CTNNA3: variants seen among roughly 807,000 people sequenced by gnomAD.
The protein encoded by CTNNA3 is catenin alpha-3.
Under a neutral mutation model 95.7 loss-of-function variants are expected in CTNNA3, and 76 were observed. That is an observed-to-expected ratio of 0.79 (90% CI 0.66 to 0.96). The LOEUF (loss-of-function observed/expected upper bound fraction) is 0.96. Among genes scored for constraint, CTNNA3 ranks in the 40% least tolerant of loss-of-function variants. CTNNA3 has a pLI of 0.00. For synonymous variants in CTNNA3, 431 were observed against 374.4 expected (o/e 1.15, Z -1.74); for missense variants, 1,191 against 1,089.8 (o/e 1.09, Z -1.31).
intron 7 of CTNNA3, among the ~76,000 whole-genome samples, chr10:66,801,736 T>G (rs1160452718): frequency 2.6e-5 from 4 of 151,632 alleles, no homozygotes; most frequent in Non-Finnish European, 5.9e-5. Flanking sequence ...GGCTTTTATT[T>G]CAGAAATTGA....
intron 12 of CTNNA3, among the ~76,000 whole-genome samples, chr10:66,327,339 A>G (rs1442166836): frequency 1.3e-5 from 2 of 152,076 alleles, no homozygotes; most frequent in African/African-American, 2.4e-5. Context: ...GGAAACAACC[A>G]TTTATTGCAA....
At chr10:65,988,889 G>A (rs1589220995) in intron 15 of CTNNA3, 92 bp from the exon 16 acceptor site, 4 of 814,936 alleles carry the variant, frequency 4.9e-6, no homozygotes, top group East Asian at 2.6e-5. Context: ...TAATCTATGC[G>A]TCCATCCATC....
chr10:66,346,316 G>T (rs1235144725), intron 12 of CTNNA3, among the ~76,000 whole-genome samples: 1 of 148,052 alleles, frequency 6.8e-6, no homozygotes, highest in Non-Finnish European at 1.5e-5. Flanking sequence ...GTCTTGCCCT[G>T]TCACCAGGCT....
chr10:66,982,755 G>C (rs1413774981), intron 7 of CTNNA3, among the ~76,000 whole-genome samples: 1 of 152,168 alleles, frequency 6.6e-6, no homozygotes. Context: ...GAAAAGAAAA[G>C]TAGCAAATAG....
At chr10:66,849,981 GT>G (rs35508547) in intron 7 of CTNNA3, among the ~76,000 whole-genome samples, 44,267 of 151,938 alleles carry the variant, frequency 0.29, 7,335 homozygotes, top group East Asian at 0.54. Flanking sequence ...ATGAGAGCAT[GT>G]TTTTTTGCAC....
intron 5 of CTNNA3, among the ~76,000 whole-genome samples, chr10:67,377,683 T>C (rs952550440): frequency 6.6e-6 from 1 of 152,142 alleles, no homozygotes; most frequent in Non-Finnish European, 1.5e-5. Context: ...ATGGAGTACA[T>C]AGTGATGTTT....
chr10:67,500,650 T>C (rs1446098209), intron 5 of CTNNA3, among the ~76,000 whole-genome samples: 1 of 152,272 alleles, frequency 6.6e-6, no homozygotes, highest in Non-Finnish European at 1.5e-5. Flanking sequence ...TTAGCTCTTC[T>C]TGTCACGTTG....
intron 7 of CTNNA3, among the ~76,000 whole-genome samples, chr10:67,031,432 G>A (rs1853720661): frequency 6.6e-6 from 1 of 152,100 alleles, no homozygotes; most frequent in Admixed American, 6.6e-5. Flanking sequence ...TATACATTGT[G>A]CTTATCACTA....
At chr10:67,579,348 C>T (rs1378188873) in intron 3 of CTNNA3, among the ~76,000 whole-genome samples, 1 of 151,966 alleles carries the variant, frequency 6.6e-6, no homozygotes, top group African/African-American at 2.4e-5. Flanking sequence ...ATGATGGTTA[C>T]CAGCTTCATC....
At chr10:65,987,987 A>G (rs1329916174) in intron 16 of CTNNA3, among the ~76,000 whole-genome samples, 1 of 152,128 alleles carries the variant, frequency 6.6e-6, no homozygotes, top group African/African-American at 2.4e-5. Context: ...AAAGTTGATG[A>G]CACAGAATTA....
At chr10:67,583,859 G>A (rs1005098872) in intron 3 of CTNNA3, among the ~76,000 whole-genome samples, 1 of 152,084 alleles carries the variant, frequency 6.6e-6, no homozygotes, top group African/African-American at 2.4e-5. Context: ...ATCGGCTACT[G>A]AAGCTTGTGC....
intron 11 of CTNNA3, among the ~76,000 whole-genome samples, chr10:66,486,762 C>T (rs1404042425): frequency 1.3e-5 from 2 of 151,966 alleles, no homozygotes; most frequent in African/African-American, 2.4e-5. Context: ...CAGTGTTACT[C>T]GCAGAAGCCA....
chr10:67,124,900 A>G (rs748862307), intron 7 of CTNNA3, among the ~76,000 whole-genome samples: 45 of 152,206 alleles, frequency 3.0e-4, no homozygotes, highest in Non-Finnish European at 5.1e-4. Flanking sequence ...GTTGGCATTC[A>G]TGGCTAAAGG....
chr10:67,653,545 T>C (rs1839936406), intron 1 of CTNNA3, among the ~76,000 whole-genome samples: 1 of 152,148 alleles, frequency 6.6e-6, no homozygotes, highest in Non-Finnish European at 1.5e-5. Flanking sequence ...TGAAAGAAAA[T>C]GTAGTAAAGC....
intron 7 of CTNNA3, chr10:67,097,612 C>A (rs765011785): frequency 6.8e-6 from 11 of 1,612,422 alleles, no homozygotes; most frequent in Non-Finnish European, 9.3e-6. Context: ...AATGTGTCAA[C>A]CTTTCTGGCA....
rs58380415 is a variant in CTNNA3, at chr10:65,978,430, ATT to A, written c.2265+10260_2265+10261del. On this transcript the variant is annotated intron_variant, in intron 16 of 17. Coordinates refer to ENST00000433211, the MANE Select transcript of CTNNA3 (RefSeq NM_013266.4). ...AGCCTTCCCAGACTGTATTGTAAGC[ATT>A]TTTTTTTTTCCTTGCACGTGTTGTT... Among the ~76,000 whole-genome samples, 273 of 142,932 alleles carry A rather than the reference ATT, an allele frequency of 1.9e-3. 1 individual carries two copies. The highest frequency in any genetic ancestry group is 7.1e-3 in the Middle Eastern group (2 of 280). The allele number at this position is 142,932 out of a possible 152,430, so 93.8% of individuals were successfully genotyped here.
intron 11 of CTNNA3, among the ~76,000 whole-genome samples, chr10:66,428,213 T>C (rs1244960313): frequency 6.6e-6 from 1 of 152,166 alleles, no homozygotes; most frequent in Non-Finnish European, 1.5e-5. Context: ...CTATCCTAAA[T>C]ATATATGCAC....
At chr10:66,372,433 G>A (rs1267678127) in intron 12 of CTNNA3, among the ~76,000 whole-genome samples, 1 of 152,092 alleles carries the variant, frequency 6.6e-6, no homozygotes, top group African/African-American at 2.4e-5. Flanking sequence ...GAAGATACAA[G>A]ACCTCTGGAA....
intron 5 of CTNNA3, among the ~76,000 whole-genome samples, chr10:67,264,434 T>C (rs1423688408): frequency 6.6e-6 from 1 of 152,202 alleles, no homozygotes; most frequent in Non-Finnish European, 1.5e-5. Flanking sequence ...TATGAGGTAC[T>C]ATTTCACCTA....
Sources: allele counts gnomAD v4.1 joint callset (sites outside exome capture counted in the v4.1 genomes callset), GRCh38; gene constraint gnomAD v4.1.1; transcripts MANE v1.5; gene names NCBI Gene and HGNC (gene_info 2026-07-23, HGNC 2026-07-21).